PBX3: variants seen among roughly 807,000 people sequenced by gnomAD.
PBX3 encodes PBX homeobox 3, also known as pre-B-cell leukemia transcription factor 3.
PBX3 carries 14 observed loss-of-function variants against 48.5 expected under a neutral mutation model. The ratio of observed to expected loss-of-function variants is 0.29; its 90% CI spans 0.19 to 0.45. The LOEUF is 0.45. Among genes scored for constraint, PBX3 ranks in the 20% least tolerant of loss-of-function variants. The probability of loss-of-function intolerance (pLI) is 1.00; values close to 1 mark genes in which losing one functional copy is unlikely to be tolerated. For synonymous variants in PBX3, 210 were observed against 200.3 expected (o/e 1.05, Z -0.41); for missense variants, 386 against 546.7 (o/e 0.71, Z 2.93).
At chr9:125,791,369 A>G (rs959148828) in intron 2 of PBX3, among the ~76,000 whole-genome samples, 3 of 147,928 alleles carry the variant, frequency 2.0e-5, no homozygotes, top group East Asian at 2.0e-4. Context: ...TCTGTCATCT[A>G]TCTATCTGTC....
intron 2 of PBX3, among the ~76,000 whole-genome samples, chr9:125,858,987 ATAG>A (rs1839795168): frequency 6.6e-6 from 1 of 152,170 alleles, no homozygotes; most frequent in Non-Finnish European, 1.5e-5. Flanking sequence ...ATAGCTAGAG[ATAG>A]TAGTAAGTTA....
chr9:125,910,824 T>C (rs1417666471), intron 2 of PBX3, among the ~76,000 whole-genome samples: 1 of 151,714 alleles, frequency 6.6e-6, no homozygotes, highest in Non-Finnish European at 1.5e-5. Context: ...TTTCTATTGA[T>C]GTCTACAAAA....
intron 2 of PBX3, among the ~76,000 whole-genome samples, chr9:125,846,944 G>A (rs1013867831): frequency 9.3e-5 from 14 of 151,330 alleles, no homozygotes; most frequent in African/African-American, 3.4e-4. Flanking sequence ...AAAAAATTGG[G>A]TTGCTTGTCC....
At chr9:125,918,236 T>C (rs1319607492) in intron 3 of PBX3, among the ~76,000 whole-genome samples, 1 of 152,196 alleles carries the variant, frequency 6.6e-6, no homozygotes, top group African/African-American at 2.4e-5. Context: ...TACACTCTGG[T>C]GGAAGTTGTG....
chr9:125,751,537 T>C (rs559345072), intron 2 of PBX3, among the ~76,000 whole-genome samples: 71 of 152,370 alleles, frequency 4.7e-4, no homozygotes, highest in Admixed American at 1.5e-3. Context: ...AGTATACTTC[T>C]ACTATAAGAT....
intron 2 of PBX3, among the ~76,000 whole-genome samples, chr9:125,807,225 G>A (rs1375025955): frequency 6.6e-6 from 1 of 152,180 alleles, no homozygotes; most frequent in Non-Finnish European, 1.5e-5. Flanking sequence ...TTGAAAGGCT[G>A]AGGCAGGAGA....
chr9:125,878,774 T>TA (rs2132343446), intron 2 of PBX3, among the ~76,000 whole-genome samples: 1 of 152,384 alleles, frequency 6.6e-6, no homozygotes, highest in Admixed American at 6.5e-5. Context: ...GGTTTTCAGT[T>TA]AAAACCTCAC....
chr9:125,801,967 C>T (rs2132096822), intron 2 of PBX3, among the ~76,000 whole-genome samples: 1 of 152,192 alleles, frequency 6.6e-6, no homozygotes, highest in Non-Finnish European at 1.5e-5. Flanking sequence ...AATCCCAGCA[C>T]TTTGGGAGGC....
chr9:125,939,955 C>T (rs1841923854), intron 5 of PBX3, among the ~76,000 whole-genome samples: 1 of 152,088 alleles, frequency 6.6e-6, no homozygotes. Flanking sequence ...CCTGTAATCC[C>T]AGCACTTTGG....
intron 5 of PBX3, among the ~76,000 whole-genome samples, chr9:125,952,904 A>G (rs1358245117): frequency 6.6e-6 from 1 of 152,172 alleles, no homozygotes; most frequent in Non-Finnish European, 1.5e-5. Flanking sequence ...CCCACTGTAC[A>G]TGATAGTCAC....
intron 2 of PBX3, among the ~76,000 whole-genome samples, chr9:125,868,946 A>C (rs1840052619): frequency 6.6e-6 from 1 of 152,196 alleles, no homozygotes; most frequent in African/African-American, 2.4e-5. Context: ...AACAATGAAG[A>C]AGCAGAAAAA....
intron 2 of PBX3, among the ~76,000 whole-genome samples, chr9:125,893,246 C>T (rs952070801): frequency 6.6e-6 from 1 of 152,144 alleles, no homozygotes; most frequent in Non-Finnish European, 1.5e-5. Context: ...GGAATGATGT[C>T]CTACATAAGA....
intron 2 of PBX3, among the ~76,000 whole-genome samples, chr9:125,891,851 T>C (rs1234210813): frequency 6.6e-6 from 1 of 152,214 alleles, no homozygotes; most frequent in Non-Finnish European, 1.5e-5. Context: ...GTGCATTTCA[T>C]CTTTAATTTT....
intron 2 of PBX3, among the ~76,000 whole-genome samples, chr9:125,851,298 A>G (rs546290326): frequency 2.2e-4 from 33 of 150,356 alleles, no homozygotes; most frequent in African/African-American, 7.9e-4. Context: ...GAATTTCCCA[A>G]ATCTGTTGAT....
intron 4 of PBX3, among the ~76,000 whole-genome samples, chr9:125,934,495 A>C (rs1588312823): frequency 6.6e-6 from 1 of 152,226 alleles, no homozygotes; most frequent in African/African-American, 2.4e-5. Context: ...TTAAAATCTT[A>C]ATAACAAAAC....
chr9:125,951,565 T>C (rs1333288463), intron 5 of PBX3, among the ~76,000 whole-genome samples: 2 of 152,174 alleles, frequency 1.3e-5, no homozygotes, highest in Admixed American at 6.5e-5. Context: ...TGTTGCTGAT[T>C]TGTTTTAAGA....
At chr9:125,847,726 T>G (rs969500986) in intron 2 of PBX3, among the ~76,000 whole-genome samples, 5 of 151,874 alleles carry the variant, frequency 3.3e-5, no homozygotes, top group Admixed American at 6.6e-5. Context: ...AACTTTTTTT[T>G]TTTTTTTAAC....
chr9:125,777,468 G>T (rs1837107580), intron 2 of PBX3, among the ~76,000 whole-genome samples: 1 of 151,444 alleles, frequency 6.6e-6, no homozygotes, highest in Non-Finnish European at 1.5e-5. Context: ...CAATTCTCCT[G>T]CCTCAGCCTC....
chr9:125,913,849 T>C (rs1289479945), intron 2 of PBX3, among the ~76,000 whole-genome samples: 2 of 151,784 alleles, frequency 1.3e-5, no homozygotes, highest in Admixed American at 1.3e-4. Context: ...AAAAATTCAG[T>C]TGAAAATGGA....
Sources: allele counts gnomAD v4.1 joint callset (sites outside exome capture counted in the v4.1 genomes callset), GRCh38; gene constraint gnomAD v4.1.1; transcripts MANE v1.5; gene names NCBI Gene and HGNC (gene_info 2026-07-23, HGNC 2026-07-21).